RAPGEF6: variants seen among roughly 807,000 people sequenced by gnomAD.
RAPGEF6 encodes the protein Rap guanine nucleotide exchange factor 6.
RAPGEF6 carries 56 observed loss-of-function variants against 171.4 expected under a neutral mutation model. The observed-to-expected ratio is 0.33, with a 90% CI of 0.26 to 0.41. RAPGEF6 has a LOEUF of 0.41. RAPGEF6 is among the 10% of genes least tolerant of loss of function. RAPGEF6 has a pLI of 1.00. For synonymous variants in RAPGEF6, 692 were observed against 650.1 expected, an observed-to-expected ratio of 1.06 and a Z score of -0.98; for missense variants, 1,674 against 1,921.4, an observed-to-expected ratio of 0.87 and a Z score of 2.41.
At chr5:131,561,816 A>G (rs1020264800) in intron 5 of RAPGEF6, among the ~76,000 whole-genome samples, 162 bp downstream of exon 5, 1 of 152,182 alleles carries the variant, frequency 6.6e-6, no homozygotes, top group Non-Finnish European at 1.5e-5. Context: ...AAAAGTCTGA[A>G]GAGACAGAAA....
At chr5:131,468,901 A>T (rs1310292949) in intron 17 of RAPGEF6, among the ~76,000 whole-genome samples, 6 of 152,258 alleles carry the variant, frequency 3.9e-5, no homozygotes, top group Non-Finnish European at 2.9e-5. Flanking sequence ...TAAGTTTTGC[A>T]GGTCAAATGG....
intron 1 of RAPGEF6, among the ~76,000 whole-genome samples, chr5:131,621,820 A>G (rs916170241): frequency 3.3e-5 from 5 of 151,986 alleles, no homozygotes; most frequent in African/African-American, 1.2e-4. Context: ...TGTATCCTAA[A>G]CTCATCAGGG....
At chr5:131,606,854 T>C (rs1292644777) in intron 1 of RAPGEF6, among the ~76,000 whole-genome samples, 1 of 152,196 alleles carries the variant, frequency 6.6e-6, no homozygotes, top group East Asian at 1.9e-4. Flanking sequence ...ACTAGATATG[T>C]AAGTTATGCC....
chr5:131,587,366 C>T (rs1409176399), intron 4 of RAPGEF6, among the ~76,000 whole-genome samples: 2 of 152,066 alleles, frequency 1.3e-5, no homozygotes, highest in Non-Finnish European at 1.5e-5. Flanking sequence ...TTCAGAGATA[C>T]AAGACTGATT....
chr5:131,517,392 T>C (rs1275625325), intron 7 of RAPGEF6, among the ~76,000 whole-genome samples: 2 of 151,488 alleles, frequency 1.3e-5, no homozygotes, highest in East Asian at 3.9e-4. Context: ...AAAAGCTGGA[T>C]TTCACTTGAA....
At chr5:131,625,745 G>A (rs996557334) in intron 1 of RAPGEF6, among the ~76,000 whole-genome samples, 1 of 151,944 alleles carries the variant, frequency 6.6e-6, no homozygotes, top group Admixed American at 6.6e-5. Context: ...GAACCCGGGA[G>A]GTGGAGCTTG....
intron 3 of RAPGEF6, among the ~76,000 whole-genome samples, chr5:131,594,482 A>C (rs1445919155): frequency 6.6e-6 from 1 of 152,254 alleles, no homozygotes; most frequent in Non-Finnish European, 1.5e-5. Context: ...CCACTAGGGC[A>C]GTGCAGAGGG....
At chr5:131,504,856 A>C (rs1048642362) in intron 10 of RAPGEF6, 78 bp from the exon 11 acceptor site, 1 of 1,313,818 alleles carries the variant, frequency 7.6e-7, no homozygotes, top group African/African-American at 1.5e-5. Flanking sequence ...GCAGAGCACA[A>C]AGGTAAGAAA....
Position 131,521,466 on chromosome 5 carries a change from G to A in RAPGEF6, c.551C>T (p.Thr184Ile), listed in dbSNP as rs1320070019. 1.2e-6 allele frequency: 2 copies of A among 1,612,428 alleles called. No individual in the cohort carries two copies. The highest frequency in any genetic ancestry group is 2.7e-5 in the African/African-American group (2 of 74,920). Residue 184 changes from threonine (T) to isoleucine (I), a missense_variant, in exon 7 of 28, where the codon ACT becomes ATT. Physicochemically the swap from Thr to Ile is moderately conservative, Grantham distance 89 (BLOSUM62 -1). Around this residue, in one of 3 missense-constraint regions of RAPGEF6, gnomAD observed 1,116 missense variants for 1,321.5 expected, o/e 0.84. Transcript: ENST00000509018. ...ACCAGACTGACTAGAAGACACATGA[G>A]TCACCTGTGGATGAGGGTTTTCTGT... is the stretch of plus-strand genomic sequence containing the variant. ...HLTENPHPQV[T>I]HVSSSQSGCS...
At chr5:131,529,486 T>TA (rs34381590) in intron 6 of RAPGEF6, among the ~76,000 whole-genome samples, 24 of 147,344 alleles carry the variant, frequency 1.6e-4, no homozygotes, top group South Asian at 6.3e-4. Context: ...AAAAAAAAAA[T>TA]AATAATCTCA....
chr5:131,487,307 GCTTC>G (rs1755971473), intron 15 of RAPGEF6, among the ~76,000 whole-genome samples: 1 of 152,214 alleles, frequency 6.6e-6, no homozygotes, highest in African/African-American at 2.4e-5. Flanking sequence ...AAAGAACAAA[GCTTC>G]CAGAGGGTGG....
chr5:131,504,801 C>A (rs774090899), intron 10 of RAPGEF6, 23 bp from the exon 11 acceptor site: 4 of 1,599,356 alleles, frequency 2.5e-6, no homozygotes, highest in Middle Eastern at 1.7e-4. Flanking sequence ...AACATGGGGA[C>A]AGTTAATGAA....
In RAPGEF6 at chr5:131,433,673, A is replaced by G. The variant is rs769380152; in HGVS notation, c.3746-15T>C. On this transcript the variant is annotated splice_polypyrimidine_tract_variant and intron_variant, in intron 24 of 27. Transcript: ENST00000509018. Reference sequence around the variant, plus strand: ...AAGTGTGTAACCTGAACAAGAAAAGAGCACTGATCAAACTACAAAAAAAGG... The same window carrying G: ...AAGTGTGTAACCTGAACAAGAAAAGGGCACTGATCAAACTACAAAAAAAGG... 4 of 1,562,888 alleles carry G rather than the reference A, an allele frequency of 2.6e-6. No individual in the cohort carries two copies. Among genetic ancestry groups the G allele is most frequent in the Non-Finnish European group, 3.5e-6 (4 of 1,134,396 alleles).
chr5:131,562,726 T>C (rs1331783010), intron 4 of RAPGEF6, among the ~76,000 whole-genome samples: 1 of 152,176 alleles, frequency 6.6e-6, no homozygotes, highest in Non-Finnish European at 1.5e-5. Flanking sequence ...GCTTAGGGAA[T>C]AATGACAAGT....
At chr5:131,596,684 T>C (rs1274065035) in intron 3 of RAPGEF6, among the ~76,000 whole-genome samples, 1 of 151,988 alleles carries the variant, frequency 6.6e-6, no homozygotes, top group Non-Finnish European at 1.5e-5. Flanking sequence ...AATGTATATC[T>C]CCTTGCAGAA....
chr5:131,624,121 T>A (rs1169033508), intron 1 of RAPGEF6, among the ~76,000 whole-genome samples: 2 of 152,214 alleles, frequency 1.3e-5, no homozygotes, highest in African/African-American at 4.8e-5. Context: ...ATGTAGGCTA[T>A]CATTTACTGT....
At chr5:131,633,182 A>G (rs1359806817) in intron 1 of RAPGEF6, among the ~76,000 whole-genome samples, 1 of 152,062 alleles carries the variant, frequency 6.6e-6, no homozygotes, top group Non-Finnish European at 1.5e-5. Flanking sequence ...AAATACAAAA[A>G]TTAGCTGGGC....
intron 1 of RAPGEF6, among the ~76,000 whole-genome samples, chr5:131,625,159 T>G (rs1277331451): frequency 6.6e-6 from 1 of 152,030 alleles, no homozygotes; most frequent in Non-Finnish European, 1.5e-5. Context: ...CTACTTGGGA[T>G]GCTGAGGCAG....
intron 22 of RAPGEF6, 92 bp from the exon 23 acceptor site, chr5:131,442,629 A>G (rs928849085): frequency 6.7e-7 from 1 of 1,496,002 alleles, no homozygotes; most frequent in Non-Finnish European, 8.9e-7. Context: ...AAAACCATCT[A>G]TTTTTAGCAC....
Sources: gnomAD v4.1 joint callset for allele counts (sites outside exome capture counted in the v4.1 genomes callset) on GRCh38, gnomAD v4.1.1 for gene constraint, gnomAD v4.1.1 regional missense constraint, MANE v1.5 for transcripts, NCBI Gene and HGNC (gene_info 2026-07-23, HGNC 2026-07-21) for gene names.